TIAM1: variants seen among roughly 807,000 people sequenced by gnomAD.
TIAM1 encodes rho guanine nucleotide exchange factor TIAM1.
Under a neutral mutation model 163.5 loss-of-function variants are expected in TIAM1, and 65 were observed. That is an observed-to-expected ratio of 0.40 (90% confidence interval 0.33 to 0.49). TIAM1 has a LOEUF of 0.49. Ranked by LOEUF, TIAM1 falls within the 20% of genes least tolerant of loss-of-function variation. TIAM1 has a pLI of 0.77. For missense variants in TIAM1, 1,789 were observed against 2,044.7 expected (o/e 0.87, Z 2.41); for synonymous variants, 833 against 810.1 (o/e 1.03, Z -0.48).
intron 13 of TIAM1, among the ~76,000 whole-genome samples, chr21:31,189,727 T>C (rs553196486): frequency 6.6e-6 from 1 of 152,044 alleles, no homozygotes; most frequent in Admixed American, 6.6e-5. Flanking sequence ...GCAACAAACA[T>C]GTGAGCGGCT....
chr21:31,326,675 C>A (rs1002346134), intron 2 of TIAM1, among the ~76,000 whole-genome samples: 1 of 152,162 alleles, frequency 6.6e-6, no homozygotes, highest in Non-Finnish European at 1.5e-5. Context: ...AGGTAATACT[C>A]GGGAAGTATT....
chr21:31,394,386 T>C (rs890560063), intron 2 of TIAM1, among the ~76,000 whole-genome samples: 2 of 152,122 alleles, frequency 1.3e-5, no homozygotes, highest in Non-Finnish European at 2.9e-5. Context: ...AAAAGATTTT[T>C]AGGGCAGTGA....
At chr21:31,143,682 T>C (rs908551679) in intron 20 of TIAM1, among the ~76,000 whole-genome samples, 1 of 151,816 alleles carries the variant, frequency 6.6e-6, no homozygotes, top group Non-Finnish European at 1.5e-5. Flanking sequence ...GGGTATGAGC[T>C]AAGACTAAAG....
intron 11 of TIAM1, among the ~76,000 whole-genome samples, chr21:31,203,342 C>G (rs146697616): frequency 6.6e-6 from 1 of 152,132 alleles, no homozygotes; most frequent in East Asian, 1.9e-4. Context: ...AGGCTGGTCT[C>G]GAACTCCTGA....
At chr21:31,529,282 G>A (rs2077993603) in intron 1 of TIAM1, among the ~76,000 whole-genome samples, 1 of 152,034 alleles carries the variant, frequency 6.6e-6, no homozygotes, top group Non-Finnish European at 1.5e-5. Context: ...GAAAAAAAAA[G>A]TCACAAAACC....
chr21:31,365,427 C>T (rs1445815150), intron 2 of TIAM1, among the ~76,000 whole-genome samples: 6 of 137,866 alleles, frequency 4.4e-5, no homozygotes, highest in African/African-American at 1.1e-4. Flanking sequence ...CTCGCTCTGT[C>T]GCCCAGGCTG....
At chr21:31,556,276 C>T (rs1156257657) in intron 1 of TIAM1, among the ~76,000 whole-genome samples, 1 of 152,190 alleles carries the variant, frequency 6.6e-6, no homozygotes, top group African/African-American at 2.4e-5. Context: ...ATGCTACTGG[C>T]CGCGTTCCAC....
At chr21:31,155,133 G>C (rs889518820) in intron 16 of TIAM1, among the ~76,000 whole-genome samples, 2 of 152,226 alleles carry the variant, frequency 1.3e-5, no homozygotes, top group Non-Finnish European at 1.5e-5. Flanking sequence ...TACCAGGGAT[G>C]AATCAGGTGT....
chr21:31,345,779 G>A (rs1434158716), upstream of TIAM1, among the ~76,000 whole-genome samples: 10 of 151,984 alleles, frequency 6.6e-5, no homozygotes, highest in African/African-American at 1.7e-4. Flanking sequence ...GTGAAACCCC[G>A]TCTCTACTAA....
chr21:31,374,633 G>A (rs2076654077), intron 2 of TIAM1, among the ~76,000 whole-genome samples: 1 of 152,242 alleles, frequency 6.6e-6, no homozygotes, highest in South Asian at 2.1e-4. Flanking sequence ...ACTTGCTCTG[G>A]GTTCCCACCC....
chr21:31,443,288 G>A (rs2044502903), intron 2 of TIAM1, among the ~76,000 whole-genome samples: 1 of 152,024 alleles, frequency 6.6e-6, no homozygotes, highest in Non-Finnish European at 1.5e-5. Context: ...GACATATCAG[G>A]GCCAGCTCCC....
chr21:31,316,334 A>G (rs974064466), intron 2 of TIAM1, among the ~76,000 whole-genome samples: 2 of 152,130 alleles, frequency 1.3e-5, no homozygotes, highest in Non-Finnish European at 2.9e-5. Context: ...CTTGTTCCCA[A>G]TTAACAGCCA....
intron 2 of TIAM1, among the ~76,000 whole-genome samples, chr21:31,287,365 T>C (rs2146900348): frequency 6.6e-6 from 1 of 152,314 alleles, no homozygotes; most frequent in East Asian, 1.9e-4. Flanking sequence ...TGGGCACCTG[T>C]TATATGTTTG....
At chr21:31,269,671 G>T (rs58518080) in intron 3 of TIAM1, among the ~76,000 whole-genome samples, 5,519 of 124,172 alleles carry the variant, frequency 0.044, 226 homozygotes, top group African/African-American at 0.13. Flanking sequence ...AAGTTTGTTT[G>T]TTTTTTTTTT....
At chr21:31,270,044 C>T (rs972523599) in intron 3 of TIAM1, among the ~76,000 whole-genome samples, 5 of 152,298 alleles carry the variant, frequency 3.3e-5, no homozygotes, top group African/African-American at 1.2e-4. Context: ...TAATTTCTTC[C>T]TATTCAATCT....
chr21:31,235,632 A>C (rs1356761350), intron 6 of TIAM1, among the ~76,000 whole-genome samples: 1 of 152,222 alleles, frequency 6.6e-6, no homozygotes, highest in African/African-American at 2.4e-5. Flanking sequence ...CGAAGAGGGC[A>C]AAAGGAGGAA....
At chr21:31,144,830 GAAAAA>G (rs764835303) in intron 20 of TIAM1, among the ~76,000 whole-genome samples, 13 of 74,512 alleles carry the variant, frequency 1.7e-4, no homozygotes, top group African/African-American at 2.2e-4. Flanking sequence ...CTCCATCTCA[GAAAAA>G]AAAAAAAAAA....
At chr21:31,363,548 C>G (rs2076444198) in intron 2 of TIAM1, among the ~76,000 whole-genome samples, 1 of 152,100 alleles carries the variant, frequency 6.6e-6, no homozygotes, top group African/African-American at 2.4e-5. Context: ...TTGTTAGTCC[C>G]TAAGCTTCCT....
upstream of TIAM1, among the ~76,000 whole-genome samples, chr21:31,347,823 C>T (rs1305202028): frequency 6.9e-6 from 1 of 143,930 alleles, no homozygotes; most frequent in Non-Finnish European, 1.5e-5. Context: ...TATGCACGAA[C>T]GTTCAGAGAA....
Sources: gnomAD v4.1 joint callset for allele counts (sites outside exome capture counted in the v4.1 genomes callset) on GRCh38, gnomAD v4.1.1 for gene constraint, MANE v1.5 for transcripts, NCBI Gene and HGNC (gene_info 2026-07-23, HGNC 2026-07-21) for gene names.